GDA: variants seen among roughly 807,000 people sequenced by gnomAD.
GDA encodes cytoplasmic PSD-95 interactor.
In GDA, 18 loss-of-function variants were observed where a neutral mutation model predicts 59.6. That is an observed-to-expected ratio of 0.30 (90% CI 0.21 to 0.45). The LOEUF (loss-of-function observed/expected upper bound fraction) is 0.45, where lower values mean the gene tolerates loss of function less well. Among genes scored for constraint, GDA ranks in the 20% least tolerant of loss-of-function variants. The probability of loss-of-function intolerance (pLI) is 1.00; values close to 1 mark genes in which losing one functional copy is unlikely to be tolerated. For missense variants in GDA, 427 were observed against 552.3 expected (o/e 0.77, Z 2.27); for synonymous variants, 201 against 201.1 (o/e 1.00, Z 0.00).
At position 72,231,195 on chromosome 9, in the gene GDA, C is replaced by T. The variant is rs1838297557; in HGVS notation, c.988+14C>T. 7.3e-7 allele frequency: 1 copy of T among 1,377,144 alleles called. No individual in the cohort carries two copies. Among genetic ancestry groups the T allele is most frequent in the Non-Finnish European group, 1.0e-6 (1 of 963,966 alleles). 85.3% of individuals were successfully genotyped at this position (1,377,144 alleles called of 1,614,324 possible). On this transcript the variant is annotated intron_variant, in intron 10 of 13. Coordinates refer to ENST00000358399, the MANE Select transcript of GDA (RefSeq NM_004293.5). ...GGCTGGGTACAGGTTAGTAGTTCAC[C>T]ATTTGGAGCTATGGCAAAGTGGTTG...
chr9:72,236,677 C>T (rs1261883638), intron 10 of GDA, among the ~76,000 whole-genome samples: 3 of 152,110 alleles, frequency 2.0e-5, no homozygotes, highest in Non-Finnish European at 2.9e-5. Context: ...GGCCATAGAC[C>T]GTCCTGTATC....
At chr9:72,199,994 C>CTTTTT (rs1271694156) in intron 2 of GDA, among the ~76,000 whole-genome samples, 149 of 119,800 alleles carry the variant, frequency 1.2e-3, no homozygotes, top group Non-Finnish European at 1.5e-3. Context: ...TGAATCCTTT[C>CTTTTT]TTTTTTTTTT....
intron 1 of GDA, among the ~76,000 whole-genome samples, chr9:72,135,242 G>T (rs960732524): frequency 6.7e-6 from 1 of 150,320 alleles, no homozygotes; most frequent in Non-Finnish European, 1.5e-5. Context: ...GTGTGTGTGT[G>T]TGCGTTTTCA....
At chr9:72,164,033 C>T (rs1402250242) in intron 1 of GDA, among the ~76,000 whole-genome samples, 1 of 152,128 alleles carries the variant, frequency 6.6e-6, no homozygotes, top group African/African-American at 2.4e-5. Context: ...AGAAGAGGTC[C>T]AGCCAGGGAG....
At position 72,250,643 on chromosome 9, in the gene GDA, A is replaced by G. The variant is rs1158909973; in HGVS notation, c.*2301A>G. On this transcript the variant is annotated 3_prime_UTR_variant, in exon 14 of 14. Transcript: ENST00000358399. Reference sequence around the variant, plus strand: ...TGGGGCCAGATTTTCTGCACTTTGAAATGTTGCCTTTGCCTAATGTAGGTT... The same window carrying G: ...TGGGGCCAGATTTTCTGCACTTTGAGATGTTGCCTTTGCCTAATGTAGGTT... 5.6e-6 allele frequency: 9 copies of G among 1,600,016 alleles called. No homozygotes were observed. Among genetic ancestry groups the G allele is most frequent in the Non-Finnish European group, 7.7e-6 (9 of 1,175,818 alleles).
intron 1 of GDA, among the ~76,000 whole-genome samples, chr9:72,160,505 T>G (rs1317365756): frequency 6.6e-6 from 1 of 152,196 alleles, no homozygotes; most frequent in East Asian, 1.9e-4. Flanking sequence ...GTGTCTGGCT[T>G]TTTAGACTTA....
At chr9:72,183,813 C>T (rs932679599) in intron 1 of GDA, among the ~76,000 whole-genome samples, 2 of 151,954 alleles carry the variant, frequency 1.3e-5, no homozygotes, top group Admixed American at 1.3e-4. Flanking sequence ...ATCAGACATC[C>T]CATCATTTTA....
intron 7 of GDA, among the ~76,000 whole-genome samples, chr9:72,223,938 C>T (rs1837221529): frequency 1.3e-5 from 2 of 152,140 alleles, no homozygotes; most frequent in South Asian, 4.1e-4. Context: ...ATTTGTAAAT[C>T]AGTGTTTTTT....
At chr9:72,224,051 A>G (rs1837236792) in intron 7 of GDA, among the ~76,000 whole-genome samples, 1 of 152,170 alleles carries the variant, frequency 6.6e-6, no homozygotes, top group African/African-American at 2.4e-5. Context: ...TGAATTTTTA[A>G]TTCAGTCCCA....
chr9:72,215,463 T>G (rs182383558), intron 5 of GDA, among the ~76,000 whole-genome samples: 14 of 152,312 alleles, frequency 9.2e-5, no homozygotes, highest in African/African-American at 3.1e-4. Context: ...TTGTTCTGGA[T>G]GTATGCTGTA....
At chr9:72,244,111 A>G (rs1839906412) in intron 11 of GDA, among the ~76,000 whole-genome samples, 1 of 151,934 alleles carries the variant, frequency 6.6e-6, no homozygotes, top group African/African-American at 2.4e-5. Flanking sequence ...CAGGAGGCAC[A>G]GCTTGCAGTG....
Position 72,251,345 on chromosome 9 carries a change from A to G in GDA, c.*3003A>G, listed in dbSNP as rs1840660852. On this transcript the variant is annotated 3_prime_UTR_variant, in exon 14 of 14. Coordinates refer to ENST00000358399, the MANE Select transcript of GDA (RefSeq NM_004293.5). ...CTTCACTCCCTACCAGGCTCTTCCT[A>G]TTTTTAATCTCTTCACCTCAGAACT... 1 of 156,086 alleles carries G rather than the reference A, an allele frequency of 6.4e-6. No homozygotes were observed. Among genetic ancestry groups the G allele is most frequent in the Non-Finnish European group, 1.4e-5 (1 of 70,860 alleles). The allele number at this position is 156,086 out of a possible 1,614,324, so 9.7% of individuals were successfully genotyped here.
upstream of GDA, among the ~76,000 whole-genome samples, chr9:72,148,509 G>A (rs1170109610): frequency 6.6e-6 from 1 of 152,214 alleles, no homozygotes; most frequent in Admixed American, 6.5e-5. Context: ...CGAAGAGCCT[G>A]ACATTTGAGA....
intron 5 of GDA, among the ~76,000 whole-genome samples, chr9:72,218,636 C>G (rs1425289965): frequency 6.6e-6 from 1 of 152,226 alleles, no homozygotes; most frequent in South Asian, 2.1e-4. Context: ...TCCCATTCCC[C>G]ATGCACCTCA....
intron 1 of GDA, among the ~76,000 whole-genome samples, chr9:72,180,965 C>T (rs557545263): frequency 6.6e-6 from 1 of 152,322 alleles, no homozygotes; most frequent in Admixed American, 6.5e-5. Context: ...ATTGCCTTCG[C>T]TTCTTCTGTG....
intron 1 of GDA, among the ~76,000 whole-genome samples, chr9:72,156,672 G>A (rs1399913878): frequency 1.3e-5 from 2 of 152,182 alleles, no homozygotes; most frequent in Non-Finnish European, 2.9e-5. Flanking sequence ...ACCTGAATTT[G>A]ATCAGTCCAT....
At chr9:72,158,725 G>A (rs1013254863) in intron 1 of GDA, among the ~76,000 whole-genome samples, 6 of 152,060 alleles carry the variant, frequency 3.9e-5, no homozygotes, top group African/African-American at 1.4e-4. Flanking sequence ...TAGCTTTATA[G>A]AATGTTCTCA....
At chr9:72,115,155 T>C (rs1825393685) in intron 1 of GDA, among the ~76,000 whole-genome samples, 1 of 152,202 alleles carries the variant, frequency 6.6e-6, no homozygotes, top group Non-Finnish European at 1.5e-5. Flanking sequence ...CAAGCCATAA[T>C]TAATTTGATT....
At chr9:72,242,411 G>A (rs542622615) in intron 11 of GDA, among the ~76,000 whole-genome samples, 1 of 152,252 alleles carries the variant, frequency 6.6e-6, no homozygotes, top group Admixed American at 6.5e-5. Flanking sequence ...AGTCACTTTA[G>A]AATTATACAT....
Sources: allele counts gnomAD v4.1 joint callset (sites outside exome capture counted in the v4.1 genomes callset), GRCh38; gene constraint gnomAD v4.1.1; transcripts MANE v1.5; gene names NCBI Gene and HGNC (gene_info 2026-07-23, HGNC 2026-07-21).